Variants in NAALADL2 observed in about 807,000 individuals in gnomAD.
The protein encoded by NAALADL2 is inactive N-acetylated-alpha-linked acidic dipeptidase-like protein 2.
Under a neutral mutation model 87.2 loss-of-function variants are expected in NAALADL2, and 76 were observed. The ratio of observed to expected loss-of-function variants is 0.87; its 90% CI spans 0.72 to 1.05. The LOEUF is 1.05. NAALADL2 is among the 50% of genes least tolerant of loss of function. The probability of loss-of-function intolerance (pLI) is 0.00; values close to 1 mark genes in which losing one functional copy is unlikely to be tolerated. For missense variants in NAALADL2, 1,089 were observed against 945.8 expected (o/e 1.15, Z -1.99); for synonymous variants, 354 against 331.0 (o/e 1.07, Z -0.75).
intron 1 of NAALADL2, among the ~76,000 whole-genome samples, chr3:174,899,802 A>G (rs1005597916): frequency 6.6e-6 from 1 of 152,116 alleles, no homozygotes; most frequent in Non-Finnish European, 1.5e-5. Flanking sequence ...ATATGCTTAC[A>G]CGGCCAGAAA....
At chr3:175,314,104 T>C (rs7650040) in intron 4 of NAALADL2, among the ~76,000 whole-genome samples, 36,633 of 148,468 alleles carry the variant, frequency 0.25, 5,224 homozygotes, top group East Asian at 0.46. Context: ...AAGTGAAAAG[T>C]GTCCTTTCTC....
At chr3:175,283,197 A>C (rs1168001403) in intron 4 of NAALADL2, among the ~76,000 whole-genome samples, 1 of 152,122 alleles carries the variant, frequency 6.6e-6, no homozygotes, top group Non-Finnish European at 1.5e-5. Flanking sequence ...TTAAGTTTAC[A>C]ATATACTAAA....
intron 4 of NAALADL2, among the ~76,000 whole-genome samples, chr3:175,267,672 A>G (rs1009953209): frequency 1.3e-5 from 2 of 152,128 alleles, no homozygotes; most frequent in Admixed American, 6.6e-5. Flanking sequence ...ACCTAGAGAC[A>G]TTCTTTACAG....
rs562343433 is a variant in NAALADL2 at position 174,775,385 on chromosome 3, TAAC to T, written c.-9+37642_-9+37644del. Among the ~76,000 whole-genome samples, 15 of 152,282 alleles carry T rather than the reference TAAC, an allele frequency of 9.9e-5. 1 individual carries two copies. In the South Asian group the frequency reaches 3.1e-3, roughly 32 times the overall value. On this transcript the variant is annotated intron_variant, in intron 3 of 3. Coordinates refer to the NAALADL2 transcript ENST00000434257. Reference sequence around the variant, plus strand: ...ATTCTGGATATTCATAAAAGTGGAATAACAATACAATATGCAGTCTTTGTTGGC... The same window carrying T: ...ATTCTGGATATTCATAAAAGTGGAATAATACAATATGCAGTCTTTGTTGGC...
At chr3:175,086,108 T>A (rs1424893218) in intron 1 of NAALADL2, among the ~76,000 whole-genome samples, 1 of 152,210 alleles carries the variant, frequency 6.6e-6, no homozygotes, top group East Asian at 1.9e-4. Context: ...TAAGTCAAGC[T>A]TTACTATCAG....
At chr3:174,781,597 G>A (rs1715985983) in intron 3 of NAALADL2, among the ~76,000 whole-genome samples, 1 of 151,904 alleles carries the variant, frequency 6.6e-6, no homozygotes, top group Non-Finnish European at 1.5e-5. Context: ...TTCTTTTTAG[G>A]GTGATTTTAG....
At chr3:175,387,977 C>T (rs945204030) in intron 5 of NAALADL2, among the ~76,000 whole-genome samples, 1 of 151,998 alleles carries the variant, frequency 6.6e-6, no homozygotes, top group Admixed American at 6.6e-5. Context: ...TTTAACCTTC[C>T]TAAATTCCTT....
At chr3:174,893,275 C>T (rs1232089318) in intron 1 of NAALADL2, among the ~76,000 whole-genome samples, 1 of 151,790 alleles carries the variant, frequency 6.6e-6, no homozygotes, top group Non-Finnish European at 1.5e-5. Flanking sequence ...CAATACCAGA[C>T]CCATCCTACA....
chr3:175,135,608 A>C (rs1455205803), intron 2 of NAALADL2, among the ~76,000 whole-genome samples: 1 of 152,128 alleles, frequency 6.6e-6, no homozygotes, highest in African/African-American at 2.4e-5. Flanking sequence ...TGATTTCAAA[A>C]CCTAAAGTCA....
At chr3:174,870,592 T>A (rs565121145) in intron 1 of NAALADL2, among the ~76,000 whole-genome samples, 3,479 of 148,204 alleles carry the variant, frequency 0.023, 135 homozygotes, top group African/African-American at 0.083. Context: ...AACAAAAAAA[T>A]AAAAAAAAAA....
intron 9 of NAALADL2, among the ~76,000 whole-genome samples, chr3:175,552,479 C>T (rs982007273): frequency 6.6e-6 from 1 of 152,108 alleles, no homozygotes; most frequent in African/African-American, 2.4e-5. Context: ...GTTGAACATC[C>T]AGTTTATGTT....
At chr3:174,597,320 C>T (rs184678632) in intron 2 of NAALADL2, among the ~76,000 whole-genome samples, 1 of 152,096 alleles carries the variant, frequency 6.6e-6, no homozygotes, top group African/African-American at 2.4e-5. Flanking sequence ...ACATAGGTAC[C>T]CATTGCCTAA....
At chr3:175,422,748 G>A (rs753134466) in intron 5 of NAALADL2, among the ~76,000 whole-genome samples, 86 of 151,888 alleles carry the variant, frequency 5.7e-4, no homozygotes, top group Non-Finnish European at 1.1e-3. Context: ...ACAAAAACTA[G>A]TCATCAGGTA....
chr3:175,511,779 G>A (rs1731191839), intron 9 of NAALADL2, among the ~76,000 whole-genome samples: 1 of 152,322 alleles, frequency 6.6e-6, no homozygotes. Context: ...GATAGAGTTT[G>A]CGCTTCTGCA....
intron 4 of NAALADL2, among the ~76,000 whole-genome samples, chr3:175,281,174 A>G (rs1046904671): frequency 3.3e-5 from 5 of 151,482 alleles, no homozygotes; most frequent in African/African-American, 1.2e-4. Flanking sequence ...TTAACTCAAT[A>G]CATTTAGTTA....
chr3:174,580,686 A>C (rs562217769), intron 2 of NAALADL2, among the ~76,000 whole-genome samples: 1 of 152,216 alleles, frequency 6.6e-6, no homozygotes, highest in Non-Finnish European at 1.5e-5. Flanking sequence ...TCAATACTTC[A>C]TTCCTTCTTA....
intron 3 of NAALADL2, among the ~76,000 whole-genome samples, chr3:174,789,430 T>C (rs896628577): frequency 6.6e-6 from 1 of 152,134 alleles, no homozygotes; most frequent in Non-Finnish European, 1.5e-5. Flanking sequence ...AGATTTTAAA[T>C]AAATTATTTT....
At chr3:175,192,357 T>C (rs1486895635) in intron 2 of NAALADL2, among the ~76,000 whole-genome samples, 2 of 152,154 alleles carry the variant, frequency 1.3e-5, no homozygotes, top group Non-Finnish European at 2.9e-5. Flanking sequence ...CAGTGATTTT[T>C]AAAATAAAAT....
In NAALADL2 at chr3:174,797,313, T is replaced by TTTTC. The variant is rs1560234278; in HGVS notation, c.-9+59570_-9+59571insCTTT. Among the ~76,000 whole-genome samples the TTTTC allele has an allele frequency of 4.1e-4, 52 of 125,876 alleles. 1 individual carries two copies. The Middle Eastern group carries it at 0.022, about 54-fold the overall frequency. 82.6% of individuals were successfully genotyped at this position (125,876 alleles called of 152,430 possible). A position where few individuals can be genotyped will look rare whatever the true frequency, so the allele number is the denominator to read the frequency against. ...TTTTGTTTTTCTTTTTTCTTTTTTT[T>TTTTC]TTTTTTTTTTTTTTTTGAGACAGAG... is the stretch of plus-strand genomic sequence containing the variant. On this transcript the variant is annotated intron_variant, in intron 3 of 3. Coordinates refer to the NAALADL2 transcript ENST00000434257.
Sources: allele counts gnomAD v4.1 joint callset (sites outside exome capture counted in the v4.1 genomes callset), GRCh38; gene constraint gnomAD v4.1.1; transcripts MANE v1.5; gene names NCBI Gene and HGNC (gene_info 2026-07-23, HGNC 2026-07-21).